Variants in PFKFB3 observed in about 807,000 individuals in gnomAD.
PFKFB3 encodes the protein 6-phosphofructo-2-kinase/fructose-2,6-bisphosphatase 3.
In PFKFB3, 33 loss-of-function variants were observed where a neutral mutation model predicts 68.0. The observed-to-expected ratio is 0.49, with a 90% CI of 0.37 to 0.65. PFKFB3 has a LOEUF of 0.65. PFKFB3 is among the 30% of genes least tolerant of loss of function. The pLI is 0.00. For missense variants in PFKFB3, 586 were observed against 712.2 expected, an observed-to-expected ratio of 0.82 and a Z score of 2.02; for synonymous variants, 315 against 288.2, an observed-to-expected ratio of 1.09 and a Z score of -0.94.
At chr10:6,286,190 G>A in the PFKFB3 span, among the ~76,000 whole-genome samples, 1 of 151,976 alleles carries the variant, frequency 6.6e-6, no homozygotes, top group East Asian at 1.9e-4. Context: ...TGTTATCCTT[G>A]ATGGTCTCCA....
At chr10:6,236,035 G>A (rs1435153100), downstream of PFKFB3, among the ~76,000 whole-genome samples, 2 of 152,106 alleles carry the variant, frequency 1.3e-5, no homozygotes, top group Admixed American at 1.3e-4. Context: ...CCAAAGTGCT[G>A]GGATTACAGG....
intron 1 of PFKFB3, among the ~76,000 whole-genome samples, chr10:6,147,682 C>T (rs1368539834): frequency 6.6e-6 from 1 of 152,024 alleles, no homozygotes; most frequent in Non-Finnish European, 1.5e-5. Flanking sequence ...AGAGAGGGAG[C>T]TGGGAGAATC....
At chr10:6,182,510 G>A (rs1002301715) in intron 1 of PFKFB3, among the ~76,000 whole-genome samples, 1 of 152,196 alleles carries the variant, frequency 6.6e-6, no homozygotes, top group Non-Finnish European at 1.5e-5. Context: ...GTCCCAGGCC[G>A]ATCCCTTCGC....
chr10:6,303,081 A>G, the PFKFB3 span, among the ~76,000 whole-genome samples: 1 of 152,204 alleles, frequency 6.6e-6, no homozygotes, highest in East Asian at 1.9e-4. Context: ...TTTATAAAGC[A>G]CAAATATTTG....
At chr10:6,236,357 T>A (rs937941270), downstream of PFKFB3, among the ~76,000 whole-genome samples, 1 of 152,240 alleles carries the variant, frequency 6.6e-6, no homozygotes, top group African/African-American at 2.4e-5. Context: ...GCAAACACCA[T>A]GCGTGGAGGA....
chr10:6,181,079 G>C (rs964499232), intron 1 of PFKFB3, among the ~76,000 whole-genome samples: 2 of 152,138 alleles, frequency 1.3e-5, no homozygotes, highest in East Asian at 3.8e-4. Context: ...CAGTGGTGCA[G>C]TCATAGTACA....
intron 1 of PFKFB3, among the ~76,000 whole-genome samples, chr10:6,179,876 A>T (rs12249559): frequency 0.013 from 1,971 of 152,258 alleles, 35 homozygotes; most frequent in African/African-American, 0.036. Flanking sequence ...AGTGATGAGA[A>T]GACCGTTGAG....
intron 1 of PFKFB3, among the ~76,000 whole-genome samples, chr10:6,153,375 A>T (rs1841659338): frequency 6.6e-6 from 1 of 152,154 alleles, no homozygotes; most frequent in Admixed American, 6.5e-5. Context: ...TGCGGCAGTG[A>T]ACAAAACAGA....
At chr10:6,295,048 C>T in the PFKFB3 span, among the ~76,000 whole-genome samples, 1 of 150,646 alleles carries the variant, frequency 6.6e-6, no homozygotes, top group Non-Finnish European at 1.5e-5. Flanking sequence ...AAGGAAATGA[C>T]ATAGATTGAT....
At chr10:6,275,675 T>C in the PFKFB3 span, among the ~76,000 whole-genome samples, 1 of 151,970 alleles carries the variant, frequency 6.6e-6, no homozygotes, top group Non-Finnish European at 1.5e-5. This position sits in a 1 kb window ranked among gnomAD's most constrained non-coding sequence, Gnocchi z 4.9. Context: ...CAGGCTGGAG[T>C]GTAGTGGTGC....
intron 1 of PFKFB3, among the ~76,000 whole-genome samples, chr10:6,181,055 C>T (rs1329655320): frequency 6.6e-6 from 1 of 152,100 alleles, no homozygotes; most frequent in Non-Finnish European, 1.5e-5. Context: ...GGCTCTGTCG[C>T]TCAGGCTGGA....
At position 6,210,944 on chromosome 10, in the gene PFKFB3, A is replaced by T. The variant is rs12764718; in HGVS notation, c.77-2679A>T. Among the ~76,000 whole-genome samples the T allele has an allele frequency of 3.7e-3, 106 of 28,806 alleles. 41 individuals are homozygous for T. In the East Asian group the frequency reaches 0.043, roughly 12 times the overall value. 18.9% of individuals were successfully genotyped at this position (28,806 alleles called of 152,430 possible). On this transcript the variant is annotated intron_variant, in intron 1 of 14. Coordinates refer to ENST00000379775, the MANE Select transcript of PFKFB3 (RefSeq NM_004566.4). ...AGGATAGTCTTGATCTCCTGACCTC[A>T]TGATCCACCCGCCTCGGCCTCCCAG...
chr10:6,200,663 G>GC (rs1564613401), upstream of PFKFB3, among the ~76,000 whole-genome samples: 4 of 3,752 alleles, frequency 1.1e-3, no homozygotes, highest in African/African-American at 1.8e-3. Context: ...AAGGAGCGGG[G>GC]GGGGGGGGGG....
At chr10:6,191,570 G>A (rs1843022908) in intron 1 of PFKFB3, among the ~76,000 whole-genome samples, 1 of 152,240 alleles carries the variant, frequency 6.6e-6, no homozygotes, top group South Asian at 2.1e-4. Context: ...CTGGGATGGG[G>A]GCTCGGGCCC....
downstream of PFKFB3, among the ~76,000 whole-genome samples, chr10:6,238,477 C>CAAAAAAAAAAA (rs71390201): frequency 1.1e-5 from 1 of 89,556 alleles, no homozygotes; most frequent in Non-Finnish European, 2.0e-5. Flanking sequence ...GGTGCCATCT[C>CAAAAAAAAAAA]AAAAAAAAAA....
rs145265578 is a variant in PFKFB3, at chr10:6,228,456, C to G, written c.1515+2091C>G. ...TTGGGTGTGTTCCGACACCGCCGCA[C>G]GACCGCTGGCTTCTCCCCTACCCTC... On this transcript the variant is annotated intron_variant, in intron 14 of 14. Coordinates refer to ENST00000379775, the MANE Select transcript of PFKFB3 (RefSeq NM_004566.4). The surrounding 1 kb of genome is among the most constrained non-coding windows in gnomAD (Gnocchi z 4.5). Among the ~76,000 whole-genome samples the G allele has an allele frequency of 1.3e-5, 2 of 152,074 alleles. No individual in the cohort carries two copies. The highest frequency in any genetic ancestry group is 1.3e-4 in the Admixed American group (2 of 15,268).
chr10:6,224,569 C>A (rs1316782226), intron 13 of PFKFB3: 1 of 447,746 alleles, frequency 2.2e-6, no homozygotes, highest in Non-Finnish European at 4.4e-6. Flanking sequence ...CAGCCTCAAC[C>A]TCCTGGGTTC....
At chr10:6,226,800 A>G (rs1316296913) in intron 14 of PFKFB3, among the ~76,000 whole-genome samples, 1 of 152,142 alleles carries the variant, frequency 6.6e-6, no homozygotes, top group Non-Finnish European at 1.5e-5. Context: ...AACCTAACAA[A>G]CAAGGCCAGG....
the PFKFB3 span, among the ~76,000 whole-genome samples, chr10:6,278,205 A>G: frequency 6.8e-6 from 1 of 146,660 alleles, no homozygotes; most frequent in Admixed American, 6.8e-5. Flanking sequence ...CGTGAGCCGC[A>G]GTGCCCGGCT....
Sources: allele counts gnomAD v4.1 joint callset (sites outside exome capture counted in the v4.1 genomes callset), GRCh38; gene constraint gnomAD v4.1.1; non-coding constraint Gnocchi (gnomAD v3.1); transcripts MANE v1.5; gene names NCBI Gene and HGNC (gene_info 2026-07-23, HGNC 2026-07-21).